The following C12orf42 variants were observed in gnomAD, a reference collection of about 807,000 sequenced individuals.
The protein encoded by C12orf42 is uncharacterized protein C12orf42.
In C12orf42, 25 loss-of-function variants were observed where a neutral mutation model predicts 21.6. The ratio of observed to expected loss-of-function variants is 1.16; its 90% CI spans 0.84 to 1.62. The LOEUF is 1.62. C12orf42 is among the 40% of genes most tolerant of loss of function. The pLI is 0.00. For synonymous variants in C12orf42, 174 were observed against 175.0 expected, an observed-to-expected ratio of 0.99 and a Z score of 0.05; for missense variants, 483 against 459.3, an observed-to-expected ratio of 1.05 and a Z score of -0.47.
chr12:103,163,172 CA>C, the C12orf42 span, among the ~76,000 whole-genome samples: 1 of 152,156 alleles, frequency 6.6e-6, no homozygotes, highest in Non-Finnish European at 1.5e-5. Flanking sequence ...GAATTAAATA[CA>C]AAATCACATA....
At chr12:103,526,025 CA>C in the C12orf42 span, among the ~76,000 whole-genome samples, 11 of 151,678 alleles carry the variant, frequency 7.3e-5, no homozygotes, top group Non-Finnish European at 1.0e-4. Flanking sequence ...AGTTCTGTCT[CA>C]AAAAAAACAA....
the C12orf42 span, among the ~76,000 whole-genome samples, chr12:103,114,937 G>T: frequency 2.6e-5 from 4 of 152,160 alleles, no homozygotes; most frequent in Non-Finnish European, 5.9e-5. Flanking sequence ...AAAAAGGCAC[G>T]CCCAAACAAC....
At chr12:103,329,122 AGGC>A (rs879795302) in intron 4 of C12orf42, among the ~76,000 whole-genome samples, 2 of 151,086 alleles carry the variant, frequency 1.3e-5, no homozygotes, top group Non-Finnish European at 3.0e-5. Context: ...GCAGGGACGC[AGGC>A]ATGCATTCAG....
chr12:103,304,341 G>C (rs1001088450), intron 5 of C12orf42, among the ~76,000 whole-genome samples: 1 of 152,178 alleles, frequency 6.6e-6, no homozygotes, highest in African/African-American at 2.4e-5. Flanking sequence ...AAGTAGGGAG[G>C]AGAAGCAGAC....
intron 4 of C12orf42, among the ~76,000 whole-genome samples, chr12:103,366,531 C>G (rs1256911146): frequency 6.6e-6 from 1 of 151,864 alleles, no homozygotes; most frequent in Non-Finnish European, 1.5e-5. Flanking sequence ...ACAGACAACC[C>G]ACAGAATGGG....
chr12:103,095,338 T>A, the C12orf42 span, among the ~76,000 whole-genome samples: 2 of 152,198 alleles, frequency 1.3e-5, no homozygotes, highest in Non-Finnish European at 2.9e-5. Flanking sequence ...ATCTGCGACC[T>A]CTTTTCCTAC....
chr12:103,322,125 GCACACACACACA>G (rs34616179), intron 4 of C12orf42, among the ~76,000 whole-genome samples: 2 of 90,502 alleles, frequency 2.2e-5, no homozygotes, highest in African/African-American at 4.6e-5. Flanking sequence ...GCGCGCGCGC[GCACACACACACA>G]CACACACACA....
At chr12:103,198,881 T>C in the C12orf42 span, among the ~76,000 whole-genome samples, 1 of 152,216 alleles carries the variant, frequency 6.6e-6, no homozygotes, top group Non-Finnish European at 1.5e-5. Context: ...GCCAGTCTTC[T>C]TGATGGTCTG....
chr12:103,199,185 A>G, the C12orf42 span, among the ~76,000 whole-genome samples: 324 of 152,342 alleles, frequency 2.1e-3, 1 homozygote, highest in African/African-American at 7.2e-3. Context: ...GATGTTTCAC[A>G]ACAGTACCAA....
At chr12:103,256,101 TATATATATATACACACAC>T (rs1181545691) in intron 10 of C12orf42, among the ~76,000 whole-genome samples, 418 of 38,684 alleles carry the variant, frequency 0.011, 3 homozygotes, top group Non-Finnish European at 0.018. Context: ...TATATATATA[TATATATATATACACACAC>T]ACACACACAC....
chr12:103,202,680 C>T, the C12orf42 span, among the ~76,000 whole-genome samples: 1 of 152,148 alleles, frequency 6.6e-6, no homozygotes, highest in African/African-American at 2.4e-5. Context: ...TTGCTTCTGT[C>T]TGGTGGACAA....
At chr12:103,382,738 C>G (rs879891888) in intron 3 of C12orf42, among the ~76,000 whole-genome samples, 4 of 152,210 alleles carry the variant, frequency 2.6e-5, no homozygotes, top group Non-Finnish European at 5.9e-5. Context: ...TTCTTCCTAC[C>G]TTTCTTTCTC....
chr12:103,394,102 C>G (rs2047310579), intron 3 of C12orf42, among the ~76,000 whole-genome samples: 1 of 152,158 alleles, frequency 6.6e-6, no homozygotes, highest in Non-Finnish European at 1.5e-5. Flanking sequence ...CTAAAATCTT[C>G]CCATGCTCAT....
the C12orf42 span, among the ~76,000 whole-genome samples, chr12:103,523,653 G>A: frequency 6.6e-6 from 1 of 150,444 alleles, no homozygotes; most frequent in African/African-American, 2.4e-5. Context: ...TCTATATATA[G>A]ACACTCGGTG....
At chr12:103,523,928 G>A in the C12orf42 span, among the ~76,000 whole-genome samples, 6 of 151,994 alleles carry the variant, frequency 3.9e-5, no homozygotes, top group African/African-American at 1.2e-4. Flanking sequence ...CCTTCCTGTC[G>A]CCATCATTCA....
At chr12:103,179,179 A>G in the C12orf42 span, among the ~76,000 whole-genome samples, 16 of 152,192 alleles carry the variant, frequency 1.1e-4, no homozygotes, top group Non-Finnish European at 2.1e-4. Context: ...TTTTTATTGA[A>G]CATCTGTCAT....
intron 3 of C12orf42, among the ~76,000 whole-genome samples, chr12:103,387,449 C>G (rs1332981306): frequency 6.6e-6 from 1 of 152,220 alleles, no homozygotes; most frequent in African/African-American, 2.4e-5. Context: ...AACCATCGAA[C>G]TGCCATTTAT....
chr12:103,500,457 G>A (rs1332896653), upstream of C12orf42, among the ~76,000 whole-genome samples: 1 of 152,142 alleles, frequency 6.6e-6, no homozygotes. Flanking sequence ...TGGGTAGAAG[G>A]CTTGTGACTT....
chr12:103,463,919 G>T (rs1453534003), intron 2 of C12orf42, among the ~76,000 whole-genome samples: 4 of 152,086 alleles, frequency 2.6e-5, no homozygotes, highest in Admixed American at 2.0e-4. Flanking sequence ...CTTTTTTGTG[G>T]CTGCATAGTA....
Sources: gnomAD v4.1 joint callset for allele counts (sites outside exome capture counted in the v4.1 genomes callset) on GRCh38, gnomAD v4.1.1 for gene constraint, MANE v1.5 for transcripts, NCBI Gene and HGNC (gene_info 2026-07-23, HGNC 2026-07-21) for gene names.